KCNIP4: variants seen among roughly 807,000 people sequenced by gnomAD.
The protein encoded by KCNIP4 is potassium voltage-gated channel interacting protein 4, also known as Kv channel-interacting protein 4.
In KCNIP4, 12 loss-of-function variants were observed where a neutral mutation model predicts 34.0. That is an observed-to-expected ratio of 0.35 (90% CI 0.23 to 0.57). The LOEUF (loss-of-function observed/expected upper bound fraction) is 0.57. Among genes scored for constraint, KCNIP4 ranks in the 20% least tolerant of loss-of-function variants. KCNIP4 has a pLI of 0.83. For synonymous variants in KCNIP4, 124 were observed against 102.2 expected, an observed-to-expected ratio of 1.21 and a Z score of -1.29; for missense variants, 238 against 311.7, an observed-to-expected ratio of 0.76 and a Z score of 1.78.
At chr4:21,280,277 A>C (rs902733189) in intron 1 of KCNIP4, among the ~76,000 whole-genome samples, 1 of 152,166 alleles carries the variant, frequency 6.6e-6, no homozygotes, top group Admixed American at 6.5e-5. Flanking sequence ...TATTTTGTAA[A>C]TCTGCAGAGA....
At chr4:20,914,810 G>A (rs976363263) in intron 1 of KCNIP4, among the ~76,000 whole-genome samples, 1 of 152,098 alleles carries the variant, frequency 6.6e-6, no homozygotes, top group African/African-American at 2.4e-5. Flanking sequence ...CCAACGATCC[G>A]AACCCTAATT....
At chr4:21,854,224 C>A (rs1007028092) in intron 1 of KCNIP4, among the ~76,000 whole-genome samples, 1 of 152,164 alleles carries the variant, frequency 6.6e-6, no homozygotes, top group African/African-American at 2.4e-5. Context: ...ACAGACATAA[C>A]TGCTCCTGCA....
intron 1 of KCNIP4, among the ~76,000 whole-genome samples, chr4:21,635,802 G>T (rs920463048): frequency 3.4e-4 from 51 of 152,158 alleles, no homozygotes; most frequent in Admixed American, 1.2e-3. Flanking sequence ...TATACCCAAA[G>T]GACTATAAAT....
rs1318687393 is a variant in KCNIP4 at position 20,837,686 on chromosome 4, A to ATTTTTTT, written c.288+12850_288+12856dup. On this transcript the variant is annotated intron_variant, in intron 3 of 8. Coordinates refer to ENST00000382152, the MANE Select transcript of KCNIP4 (RefSeq NM_025221.6). ...GCTATATATATATATATATATATATATTTTTTTTTCCTTGGAGATGGAGTC... is the reference window on the plus strand; with the variant it reads ...GCTATATATATATATATATATATATATTTTTTTTTTTTTTTTCCTTGGAGATGGAGTC... Among the ~76,000 whole-genome samples the ATTTTTTT allele has an allele frequency of 3.7e-3, 435 of 117,380 alleles. 2 individuals are homozygous for ATTTTTTT. The highest frequency in any genetic ancestry group is 0.014 in the African/African-American group (407 of 29,870). The allele number at this position is 117,380 out of a possible 152,430, so 77.0% of individuals were successfully genotyped here.
intron 1 of KCNIP4, among the ~76,000 whole-genome samples, chr4:21,067,771 G>A (rs1173824226): frequency 6.6e-6 from 1 of 152,086 alleles, no homozygotes; most frequent in Non-Finnish European, 1.5e-5. Flanking sequence ...CACAGAGAGA[G>A]ACCCTGTTTG....
chr4:21,657,837 C>T (rs1408894349), intron 1 of KCNIP4, among the ~76,000 whole-genome samples: 10 of 128,406 alleles, frequency 7.8e-5, no homozygotes, highest in African/African-American at 3.1e-4. Flanking sequence ...ATGGTTTAAA[C>T]ATAATTTTTT....
At chr4:21,027,861 G>A (rs767285715) in intron 1 of KCNIP4, among the ~76,000 whole-genome samples, 5 of 151,828 alleles carry the variant, frequency 3.3e-5, no homozygotes, top group Non-Finnish European at 5.9e-5. Flanking sequence ...TAACCTCATG[G>A]CTCTAAATAA....
intron 1 of KCNIP4, among the ~76,000 whole-genome samples, chr4:21,902,703 G>T (rs907100624): frequency 6.6e-6 from 1 of 152,070 alleles, no homozygotes; most frequent in African/African-American, 2.4e-5. Context: ...TAAGAATGAA[G>T]TTGGAAAGGT....
intron 3 of KCNIP4, among the ~76,000 whole-genome samples, chr4:20,773,913 C>T (rs1560455237): frequency 6.6e-6 from 1 of 152,234 alleles, no homozygotes; most frequent in Middle Eastern, 3.4e-3. Context: ...TCTTAGAAAA[C>T]AAATAAGCAA....
intron 1 of KCNIP4, among the ~76,000 whole-genome samples, chr4:20,936,265 C>G (rs149377930): frequency 1.2e-3 from 176 of 152,278 alleles, no homozygotes; most frequent in African/African-American, 3.9e-3. Context: ...GATTAAAGAA[C>G]TGCAGTTTCC....
intron 1 of KCNIP4, among the ~76,000 whole-genome samples, chr4:21,244,054 T>C (rs571700847): frequency 6.6e-6 from 1 of 152,270 alleles, no homozygotes; most frequent in East Asian, 1.9e-4. Flanking sequence ...GTAAGAAAAT[T>C]AGCACTGGCC....
At chr4:21,393,312 G>GT (rs373723185) in intron 1 of KCNIP4, among the ~76,000 whole-genome samples, 2 of 97,302 alleles carry the variant, frequency 2.1e-5, no homozygotes, top group South Asian at 2.6e-4. Flanking sequence ...AGATCTAGAA[G>GT]TTTTTTTTTC....
chr4:20,730,416 T>C (rs1438335296), intron 8 of KCNIP4, among the ~76,000 whole-genome samples: 1 of 152,164 alleles, frequency 6.6e-6, no homozygotes, highest in East Asian at 1.9e-4. Context: ...CAAATCATAA[T>C]GCCAAAATGG....
chr4:20,739,032 G>A (rs1750400430), intron 5 of KCNIP4, among the ~76,000 whole-genome samples: 2 of 152,170 alleles, frequency 1.3e-5, no homozygotes, highest in African/African-American at 4.8e-5. Flanking sequence ...CAACAGTGAG[G>A]CTGAGGGAGG....
chr4:21,554,432 AT>A (rs1367328318), intron 1 of KCNIP4, among the ~76,000 whole-genome samples: 4 of 152,166 alleles, frequency 2.6e-5, no homozygotes, highest in Non-Finnish European at 1.5e-5. Context: ...CAGACATTCT[AT>A]TTTAAACCAA....
At chr4:21,786,260 A>G (rs1033025121) in intron 1 of KCNIP4, among the ~76,000 whole-genome samples, 1 of 151,780 alleles carries the variant, frequency 6.6e-6, no homozygotes, top group African/African-American at 2.4e-5. Context: ...CTTCTCTTAA[A>G]TATATACCTA....
At chr4:21,795,331 C>G (rs574267604) in intron 1 of KCNIP4, among the ~76,000 whole-genome samples, 5 of 152,166 alleles carry the variant, frequency 3.3e-5, no homozygotes, top group Non-Finnish European at 5.9e-5. Flanking sequence ...CTTGGACTTC[C>G]AGCCTGCAGA....
chr4:21,450,406 G>T (rs1728419282), intron 1 of KCNIP4, among the ~76,000 whole-genome samples: 3 of 152,104 alleles, frequency 2.0e-5, no homozygotes, highest in Non-Finnish European at 2.9e-5. Flanking sequence ...TAATTCCCAA[G>T]AATAAATGAA....
chr4:21,513,044 T>G (rs1734462719), intron 1 of KCNIP4, among the ~76,000 whole-genome samples: 1 of 152,176 alleles, frequency 6.6e-6, no homozygotes, highest in South Asian at 2.1e-4. Context: ...TGTTACCATT[T>G]TCTCCACTGC....
Sources: allele counts gnomAD v4.1 joint callset (sites outside exome capture counted in the v4.1 genomes callset), GRCh38; gene constraint gnomAD v4.1.1; transcripts MANE v1.5; gene names NCBI Gene and HGNC (gene_info 2026-07-23, HGNC 2026-07-21).